The following LMBR1 variants were observed in gnomAD, a reference collection of about 807,000 sequenced individuals.
LMBR1 encodes the protein limb development membrane protein 1, also known as limb region 1 protein homolog.
LMBR1 carries 52 observed loss-of-function variants against 73.9 expected under a neutral mutation model. The observed-to-expected ratio is 0.70, with a 90% CI of 0.56 to 0.89. The LOEUF (loss-of-function observed/expected upper bound fraction) is 0.89. LMBR1 is among the 40% of genes least tolerant of loss of function. LMBR1 has a pLI of 0.00. For synonymous variants in LMBR1, 215 were observed against 209.4 expected, an observed-to-expected ratio of 1.03 and a Z score of -0.23; for missense variants, 539 against 579.8, an observed-to-expected ratio of 0.93 and a Z score of 0.72.
intron 1 of LMBR1, among the ~76,000 whole-genome samples, chr7:156,854,217 T>C (rs568641766): frequency 6.6e-6 from 1 of 152,114 alleles, no homozygotes; most frequent in Non-Finnish European, 1.5e-5. Flanking sequence ...CTCTAAAAAG[T>C]GGAGAGACAA....
intron 15 of LMBR1, among the ~76,000 whole-genome samples, chr7:156,707,347 A>G (rs79206896): frequency 0.016 from 2,428 of 152,298 alleles, 62 homozygotes; most frequent in African/African-American, 0.054. Flanking sequence ...AACTGTTCCC[A>G]AAAACTGAGG....
chr7:156,857,005 A>G (rs999267916), intron 1 of LMBR1, among the ~76,000 whole-genome samples: 1 of 152,204 alleles, frequency 6.6e-6, no homozygotes, highest in Admixed American at 6.5e-5. Flanking sequence ...CACTGAAAAT[A>G]TTTTGAAAGA....
intron 12 of LMBR1, 153 bp from the exon 13 acceptor site, chr7:156,725,990 A>T (rs1815673875): frequency 2.0e-6 from 1 of 502,256 alleles, no homozygotes; most frequent in Non-Finnish European, 3.5e-6. Flanking sequence ...AAGACATGAC[A>T]TTAGACTGAT....
At chr7:156,847,068 G>A (rs564509554) in intron 1 of LMBR1, among the ~76,000 whole-genome samples, 4 of 152,178 alleles carry the variant, frequency 2.6e-5, no homozygotes, top group South Asian at 2.1e-4. Context: ...TGACATTGAT[G>A]GAAAAACACA....
chr7:156,879,775 G>T (rs1800786588), intron 1 of LMBR1, among the ~76,000 whole-genome samples: 3 of 152,026 alleles, frequency 2.0e-5, no homozygotes, highest in Non-Finnish European at 4.4e-5. Context: ...TAATGATCAG[G>T]GAAAAGCAAA....
At position 156,693,933 on chromosome 7, in the gene LMBR1, T is replaced by C. The variant is rs575284406; in HGVS notation, c.1226-5742A>G. On this transcript the variant is annotated intron_variant, in intron 15 of 16. Transcript: ENST00000353442. ...CAAACCTAACTCAACAACACATTAA[T>C]AGGATCGTACGCCCTAGCCAAATGG... is the stretch of plus-strand genomic sequence containing the variant. 2.0e-5 allele frequency among the ~76,000 whole-genome samples: 3 copies of C among 152,266 alleles called. No individual in the cohort carries two copies. The South Asian group carries it at 6.2e-4, about 32-fold the overall frequency.
intron 15 of LMBR1, among the ~76,000 whole-genome samples, chr7:156,712,143 TCAA>T (rs1357973199): frequency 2.0e-5 from 3 of 151,882 alleles, no homozygotes; most frequent in Admixed American, 1.3e-4. Flanking sequence ...TGCAAACAAC[TCAA>T]CAACAATAAC....
chr7:156,758,189 G>C (rs889321910), intron 8 of LMBR1, among the ~76,000 whole-genome samples: 1 of 152,180 alleles, frequency 6.6e-6, no homozygotes, highest in Admixed American at 6.5e-5. Flanking sequence ...TGGGTTAGGG[G>C]AGAGGAATCC....
At position 156,670,922 on chromosome 7, in the gene LMBR1, T is replaced by A. The variant is rs775125673; in HGVS notation, n.867-1635A>T. Among the ~76,000 whole-genome samples the A allele has an allele frequency of 6.6e-6, 1 of 152,122 alleles. No homozygotes were observed. Among genetic ancestry groups the A allele is most frequent in the African/African-American group, 2.4e-5 (1 of 41,418 alleles). On this transcript the variant is annotated intron_variant and non_coding_transcript_variant, in intron 4 of 4. Transcript: ENST00000430825. This position sits in a 1 kb window ranked among gnomAD's most constrained non-coding sequence, Gnocchi z 4.3. ...AAAATGTGAGTAAATCTAATAGACATTGATTCCACCGAACAAGAAAACTCA... is the reference window on the plus strand; with the variant it reads ...AAAATGTGAGTAAATCTAATAGACAATGATTCCACCGAACAAGAAAACTCA...
chr7:156,701,339 T>G (rs1809631168), intron 15 of LMBR1, among the ~76,000 whole-genome samples: 1 of 152,226 alleles, frequency 6.6e-6, no homozygotes, highest in African/African-American at 2.4e-5. Context: ...TTGTGATATA[T>G]ACATACAAGA....
intron 5 of LMBR1, among the ~76,000 whole-genome samples, chr7:156,781,955 T>C (rs528238860): frequency 1.1e-4 from 16 of 152,352 alleles, no homozygotes; most frequent in Non-Finnish European, 2.1e-4. Flanking sequence ...ATTCACCAAC[T>C]GAAACTCTGT....
intron 9 of LMBR1, among the ~76,000 whole-genome samples, chr7:156,750,687 G>A (rs1032992394): frequency 6.6e-6 from 1 of 152,092 alleles, no homozygotes; most frequent in African/African-American, 2.4e-5. Context: ...ATTTACTTAT[G>A]GGACAAATGT....
chr7:156,892,845 CCGGGGACCGGGGGCCCGGGGG>C, intron 1 of LMBR1, 62 bp downstream of exon 1: 1 of 568,166 alleles, frequency 1.8e-6, no homozygotes, highest in Non-Finnish European at 2.2e-6. Flanking sequence ...GGTGAGGGGT[CCGGGGACCGGGGGCCCGGGGG>C]CGGGGACGGA....
At chr7:156,804,200 T>C (rs1293568977) in intron 4 of LMBR1, among the ~76,000 whole-genome samples, 1 of 152,164 alleles carries the variant, frequency 6.6e-6, no homozygotes, top group Non-Finnish European at 1.5e-5. Flanking sequence ...ACAAATGGAT[T>C]GTGTGATATA....
intron 8 of LMBR1, among the ~76,000 whole-genome samples, chr7:156,758,556 T>C (rs964252868): frequency 7.9e-5 from 12 of 152,180 alleles, no homozygotes; most frequent in Admixed American, 7.9e-4. Flanking sequence ...CACACAGTAA[T>C]AACTGAGTTC....
rs976541661 is a variant in LMBR1, at chr7:156,836,732, A to G, written c.139+81T>C. ...CATATTCAATACACTATGACACTGA[A>G]GTGTACTAATATATCTTATATACCA... is the stretch of plus-strand genomic sequence containing the variant. On this transcript the variant is annotated intron_variant, in intron 2 of 16. Transcript: ENST00000353442. The G allele has an allele frequency of 1.1e-5, 9 of 841,546 alleles. No homozygotes were observed. The South Asian group carries it at 1.5e-4, about 14-fold the overall frequency. 52.1% of individuals were successfully genotyped at this position (841,546 alleles called of 1,614,324 possible). A position where few individuals can be genotyped will look rare whatever the true frequency, so the allele number is the denominator to read the frequency against.
At chr7:156,699,581 T>C (rs1241548456) in intron 15 of LMBR1, among the ~76,000 whole-genome samples, 2 of 151,860 alleles carry the variant, frequency 1.3e-5, no homozygotes, top group East Asian at 3.9e-4. Context: ...AAACAGCTTC[T>C]GCACAGCAAA....
chr7:156,689,063 T>G (rs1192254300), intron 15 of LMBR1, among the ~76,000 whole-genome samples: 1 of 152,190 alleles, frequency 6.6e-6, no homozygotes. Context: ...CTATACACAT[T>G]TGTAAAAGTA....
intron 5 of LMBR1, among the ~76,000 whole-genome samples, chr7:156,779,103 T>A (rs1357638347): frequency 1.3e-5 from 2 of 152,212 alleles, no homozygotes; most frequent in African/African-American, 4.8e-5. Context: ...ATCACAGGAC[T>A]ATAAGAACTT....
Sources: allele counts gnomAD v4.1 joint callset (sites outside exome capture counted in the v4.1 genomes callset), GRCh38; gene constraint gnomAD v4.1.1; non-coding constraint Gnocchi (gnomAD v3.1); transcripts MANE v1.5; gene names NCBI Gene and HGNC (gene_info 2026-07-23, HGNC 2026-07-21).